The following ZNF438 variants were observed in gnomAD, a reference collection of about 807,000 sequenced individuals.
ZNF438 encodes zinc finger protein 438.
In ZNF438, 25 loss-of-function variants were observed where a neutral mutation model predicts 38.0. The ratio of observed to expected loss-of-function variants is 0.66; its 90% CI spans 0.48 to 0.92. ZNF438 has a LOEUF of 0.92. ZNF438 is among the 40% of genes least tolerant of loss of function. ZNF438 has a pLI of 0.00. For synonymous variants in ZNF438, 372 were observed against 364.1 expected (o/e 1.02, Z -0.25); for missense variants, 1,007 against 999.6 (o/e 1.01, Z -0.10).
At chr10:30,921,866 AGCTAAGGCATCATGCG>A (rs1238221566) in intron 2 of ZNF438, among the ~76,000 whole-genome samples, 1 of 152,202 alleles carries the variant, frequency 6.6e-6, no homozygotes, top group East Asian at 1.9e-4. Context: ...GTGTACTGGC[AGCTAAGGCATCATGCG>A]GCCTCTCTTC....
intron 1 of ZNF438, among the ~76,000 whole-genome samples, chr10:31,003,392 C>T (rs1158978189): frequency 6.6e-6 from 1 of 152,112 alleles, no homozygotes; most frequent in Non-Finnish European, 1.5e-5. Context: ...TTACTCTTCC[C>T]GTTGGGTCCC....
intron 1 of ZNF438, among the ~76,000 whole-genome samples, chr10:30,983,309 T>TG (rs1472975959): frequency 6.6e-6 from 1 of 152,214 alleles, no homozygotes; most frequent in African/African-American, 2.4e-5. Context: ...GAGGTTTAGT[T>TG]GGTTCATGGT....
upstream of ZNF438, chr10:31,032,000 C>A (rs1011347939): frequency 3.9e-5 from 6 of 152,060 alleles, no homozygotes; most frequent in African/African-American, 1.4e-4. Flanking sequence ...GAGCTCCACG[C>A]ACCTCCCCGT....
At chr10:31,012,977 G>A (rs2133117071) in intron 1 of ZNF438, among the ~76,000 whole-genome samples, 1 of 152,310 alleles carries the variant, frequency 6.6e-6, no homozygotes, top group Middle Eastern at 3.4e-3. Context: ...ACCAATGTAA[G>A]AGTCTACTTC....
exon 5 of ZNF438, chr10:30,850,361 G>A: frequency 6.2e-7 from 1 of 1,610,738 alleles, no homozygotes. Flanking sequence ...AGGGATGTTT[G>A]ATTCACCTGC....
At chr10:30,871,363 G>A (rs1239496255) in intron 4 of ZNF438, among the ~76,000 whole-genome samples, 1 of 152,092 alleles carries the variant, frequency 6.6e-6, no homozygotes, top group African/African-American at 2.4e-5. Context: ...AGCAACAGGT[G>A]TGATTGATTT....
intron 1 of ZNF438, among the ~76,000 whole-genome samples, chr10:31,027,133 C>T (rs1425848511): frequency 6.6e-6 from 1 of 151,860 alleles, no homozygotes; most frequent in Non-Finnish European, 1.5e-5. Flanking sequence ...AGGAGACATA[C>T]CTAATGTAAA....
intron 3 of ZNF438, among the ~76,000 whole-genome samples, chr10:30,888,718 T>C (rs1346074633): frequency 6.6e-6 from 1 of 152,250 alleles, no homozygotes; most frequent in African/African-American, 2.4e-5. Flanking sequence ...TTCTTTTTTA[T>C]GGCTGCATCG....
chr10:30,963,652 T>A (rs949842260), intron 1 of ZNF438, among the ~76,000 whole-genome samples: 2 of 152,140 alleles, frequency 1.3e-5, no homozygotes, highest in Middle Eastern at 3.4e-3. Flanking sequence ...GGCGAGTGGA[T>A]CACAAGGTCA....
At chr10:30,941,023 CACTT>C (rs1441975209) in intron 2 of ZNF438, among the ~76,000 whole-genome samples, 1 of 152,074 alleles carries the variant, frequency 6.6e-6, no homozygotes, top group Non-Finnish European at 1.5e-5. Context: ...GTGTTAGTCT[CACTT>C]AGACAAATAA....
At chr10:30,845,488 T>A in exon 6 of ZNF438, 1 of 1,614,184 alleles carries the variant, frequency 6.2e-7, no homozygotes, top group Non-Finnish European at 8.5e-7. Flanking sequence ...TGAGCAGTAA[T>A]CTGACAACGA....
intron 1 of ZNF438, among the ~76,000 whole-genome samples, chr10:31,026,626 CTT>C (rs1334231342): frequency 1.3e-5 from 2 of 152,150 alleles, no homozygotes; most frequent in African/African-American, 4.8e-5. Flanking sequence ...AATAGGAACA[CTT>C]TTACATTGTT....
At chr10:30,967,844 T>G (rs1007486231) in intron 1 of ZNF438, among the ~76,000 whole-genome samples, 2 of 152,030 alleles carry the variant, frequency 1.3e-5, no homozygotes, top group East Asian at 1.9e-4. Flanking sequence ...AAGAAAGGAA[T>G]TACAACTCAG....
chr10:30,900,125 G>A (rs1330785514), intron 3 of ZNF438, among the ~76,000 whole-genome samples: 1 of 152,008 alleles, frequency 6.6e-6, no homozygotes, highest in Non-Finnish European at 1.5e-5. Flanking sequence ...ACAGCTACAA[G>A]CAATATATAA....
At chr10:30,848,864 T>C in exon 5 of ZNF438, 2 of 1,614,238 alleles carry the variant, frequency 1.2e-6, no homozygotes, top group African/African-American at 2.7e-5. Flanking sequence ...CTGGAAGTGG[T>C]GGTTGCAGAC....
chr10:31,004,310 A>G lies in ZNF438; in HGVS notation c.-192+27523T>C, dbSNP rs564914224. Among the ~76,000 whole-genome samples, 7 of 152,338 alleles carry G rather than the reference A, an allele frequency of 4.6e-5. No individual in the cohort carries two copies. The South Asian group carries it at 1.4e-3, about 32-fold the overall frequency. On this transcript the variant is annotated intron_variant, in intron 1 of 5. Coordinates refer to ENST00000413025, the Ensembl canonical transcript of ZNF438. Reference sequence around the variant, plus strand: ...TTACACAAAAAGATTATATTTAACCAAAAGTACAAGATGAAAAACAAGAGA... The same window carrying G: ...TTACACAAAAAGATTATATTTAACCGAAAGTACAAGATGAAAAACAAGAGA...
At chr10:30,927,136 C>T (rs1331106788) in intron 2 of ZNF438, among the ~76,000 whole-genome samples, 1 of 152,076 alleles carries the variant, frequency 6.6e-6, no homozygotes, top group Non-Finnish European at 1.5e-5. Context: ...GCCAAGGCTG[C>T]CTTGCCAGCC....
At chr10:30,970,591 T>A (rs2050636380) in intron 1 of ZNF438, among the ~76,000 whole-genome samples, 1 of 152,180 alleles carries the variant, frequency 6.6e-6, no homozygotes, top group South Asian at 2.1e-4. Context: ...AATATCCTCA[T>A]CCAAACTCCA....
At chr10:30,922,236 C>G (rs1233293011) in intron 2 of ZNF438, among the ~76,000 whole-genome samples, 1 of 152,136 alleles carries the variant, frequency 6.6e-6, no homozygotes, top group Non-Finnish European at 1.5e-5. Flanking sequence ...CTGAAGGCAG[C>G]AGTACCTTAT....
Sources: allele counts gnomAD v4.1 joint callset (sites outside exome capture counted in the v4.1 genomes callset), GRCh38; gene constraint gnomAD v4.1.1; transcripts MANE v1.5; gene names NCBI Gene and HGNC (gene_info 2026-07-23, HGNC 2026-07-21).